CHCHD6: variants seen among roughly 807,000 people sequenced by gnomAD.
CHCHD6 encodes the protein MICOS complex subunit MIC25.
In CHCHD6, 28 loss-of-function variants were observed where a neutral mutation model predicts 32.3. That is an observed-to-expected ratio of 0.87 (90% CI 0.64 to 1.19). CHCHD6 has a LOEUF of 1.19. Among genes scored for constraint, CHCHD6 ranks in the 50% most tolerant of loss-of-function variants. CHCHD6 has a pLI of 0.00. For synonymous variants in CHCHD6, 122 were observed against 117.5 expected (o/e 1.04, Z -0.25); for missense variants, 333 against 307.0 (o/e 1.08, Z -0.63).
At chr3:126,756,322 C>T (rs1186870301) in intron 4 of CHCHD6, among the ~76,000 whole-genome samples, 1 of 152,136 alleles carries the variant, frequency 6.6e-6, no homozygotes, top group Non-Finnish European at 1.5e-5. Flanking sequence ...GAAAGATGAA[C>T]ATTATTAAAA....
At chr3:126,817,384 G>A (rs1262516786) in intron 4 of CHCHD6, among the ~76,000 whole-genome samples, 2 of 150,362 alleles carry the variant, frequency 1.3e-5, no homozygotes, top group Non-Finnish European at 2.9e-5. Flanking sequence ...GGCAGATGTT[G>A]GAGAGCCACT....
At chr3:126,896,526 C>T (rs889899439) in intron 5 of CHCHD6, among the ~76,000 whole-genome samples, 2 of 152,194 alleles carry the variant, frequency 1.3e-5, no homozygotes, top group Admixed American at 6.5e-5. Flanking sequence ...TTCCTTTCAT[C>T]TTTGGTGGAC....
chr3:126,782,980 A>T (rs1938021341), intron 4 of CHCHD6, among the ~76,000 whole-genome samples: 2 of 152,142 alleles, frequency 1.3e-5, no homozygotes, highest in African/African-American at 4.8e-5. Flanking sequence ...AGCACCATTT[A>T]TTGAATAGGG....
chr3:126,706,226 G>GT (rs2107647834), intron 1 of CHCHD6, among the ~76,000 whole-genome samples: 1 of 152,200 alleles, frequency 6.6e-6, no homozygotes, highest in South Asian at 2.1e-4. Flanking sequence ...GAAACCTCAT[G>GT]TTTTTTGAGT....
chr3:126,754,924 T>C (rs1159241872), intron 4 of CHCHD6, among the ~76,000 whole-genome samples: 1 of 152,018 alleles, frequency 6.6e-6, no homozygotes, highest in African/African-American at 2.4e-5. Context: ...AAGGAGGGAG[T>C]GTGGCTGCTG....
intron 4 of CHCHD6, among the ~76,000 whole-genome samples, chr3:126,789,706 G>T (rs778186873): frequency 6.6e-6 from 1 of 151,974 alleles, no homozygotes; most frequent in Non-Finnish European, 1.5e-5. Context: ...TTTATTTTGA[G>T]CCTATATGTG....
intron 4 of CHCHD6, among the ~76,000 whole-genome samples, chr3:126,831,684 A>G (rs1940649503): frequency 6.6e-6 from 1 of 152,230 alleles, no homozygotes; most frequent in Admixed American, 6.5e-5. Flanking sequence ...GCTGGGAAAC[A>G]GGCTCATACT....
intron 4 of CHCHD6, among the ~76,000 whole-genome samples, chr3:126,848,078 CA>C (rs1423321688): frequency 6.6e-6 from 1 of 152,138 alleles, no homozygotes; most frequent in African/African-American, 2.4e-5. Flanking sequence ...CTCCAGGGAC[CA>C]AAAAATCCTC....
At chr3:126,859,727 G>T (rs147875110) in intron 5 of CHCHD6, among the ~76,000 whole-genome samples, 2,745 of 152,276 alleles carry the variant, frequency 0.018, 31 homozygotes, top group Middle Eastern at 0.051. Flanking sequence ...ATGAAGTCAG[G>T]TCTGCGAGAC....
intron 6 of CHCHD6, among the ~76,000 whole-genome samples, chr3:126,944,400 A>G (rs2078604961): frequency 1.3e-5 from 2 of 152,256 alleles, no homozygotes; most frequent in Non-Finnish European, 2.9e-5. Context: ...ACCTCAATTT[A>G]TTTATAGAAT....
chr3:126,794,394 C>T (rs1015591697), intron 4 of CHCHD6, among the ~76,000 whole-genome samples: 2 of 147,152 alleles, frequency 1.4e-5, no homozygotes, highest in African/African-American at 4.9e-5. Context: ...TCCAAACTAT[C>T]ATTTTTAAAA....
intron 4 of CHCHD6, among the ~76,000 whole-genome samples, chr3:126,799,724 T>G (rs1308880491): frequency 6.6e-6 from 1 of 152,168 alleles, no homozygotes; most frequent in Non-Finnish European, 1.5e-5. Flanking sequence ...TTTTTTCTCC[T>G]GGGTTGGGGT....
chr3:126,770,115 G>A (rs572538205), intron 4 of CHCHD6, among the ~76,000 whole-genome samples: 88 of 152,188 alleles, frequency 5.8e-4, no homozygotes, highest in African/African-American at 1.9e-3. Flanking sequence ...ATTGTGAATG[G>A]GATTGTGCTC....
At chr3:126,773,263 C>T (rs1485545768) in intron 4 of CHCHD6, among the ~76,000 whole-genome samples, 7 of 152,124 alleles carry the variant, frequency 4.6e-5, no homozygotes, top group Admixed American at 6.5e-5. Context: ...CAAGTAATAC[C>T]TGCCCTTTTC....
At chr3:126,931,113 G>A (rs946499204) in intron 6 of CHCHD6, among the ~76,000 whole-genome samples, 7 of 152,282 alleles carry the variant, frequency 4.6e-5, no homozygotes, top group South Asian at 4.1e-4. Context: ...GGAGCAGGGC[G>A]CCAAGGGAAA....
intron 6 of CHCHD6, chr3:126,952,955 C>T (rs1215427735): frequency 1.0e-6 from 1 of 985,042 alleles, no homozygotes; most frequent in Non-Finnish European, 1.2e-6. Context: ...ATCACATTCT[C>T]AGGGCCATCA....
chr3:126,959,881 G>A lies in CHCHD6; in HGVS notation c.703-315G>A, dbSNP rs895366252. Among the ~76,000 whole-genome samples the A allele has an allele frequency of 2.0e-5, 3 of 152,240 alleles. No individual in the cohort carries two copies. In the East Asian group the frequency reaches 5.8e-4, roughly 29 times the overall value. ...TCTTCTATATCCAGGGTGCTTGTCA[G>A]AAACACCGCAGCAGGTTGAGGGGGC... On this transcript the variant is annotated intron_variant, in intron 7 of 7. Coordinates refer to ENST00000290913, the MANE Select transcript of CHCHD6 (RefSeq NM_032343.3).
intron 4 of CHCHD6, among the ~76,000 whole-genome samples, chr3:126,783,128 T>G (rs1246105928): frequency 6.6e-6 from 1 of 152,200 alleles, no homozygotes; most frequent in Non-Finnish European, 1.5e-5. Context: ...CATCCACCCT[T>G]TGTTTCTCTA....
intron 1 of CHCHD6, among the ~76,000 whole-genome samples, chr3:126,726,785 A>G (rs1935555057): frequency 6.6e-6 from 1 of 152,110 alleles, no homozygotes; most frequent in Non-Finnish European, 1.5e-5. Context: ...AGGTGAGAAA[A>G]GTGAGACATC....
Sources: gnomAD v4.1 joint callset for allele counts (sites outside exome capture counted in the v4.1 genomes callset) on GRCh38, gnomAD v4.1.1 for gene constraint, MANE v1.5 for transcripts, NCBI Gene and HGNC (gene_info 2026-07-23, HGNC 2026-07-21) for gene names.